The following EPHB1 variants were observed in gnomAD, a reference collection of about 807,000 sequenced individuals.
EPHB1 encodes the protein EPH receptor B1.
In EPHB1, 30 loss-of-function variants were observed where a neutral mutation model predicts 94.4. That is an observed-to-expected ratio of 0.32 (90% CI 0.24 to 0.43). The LOEUF is 0.43. Among genes scored for constraint, EPHB1 ranks in the 20% least tolerant of loss-of-function variants. The probability of loss-of-function intolerance (pLI) is 1.00; values close to 1 mark genes in which losing one functional copy is unlikely to be tolerated. For missense variants in EPHB1, 1,055 were observed against 1,308.3 expected (o/e 0.81, Z 2.99); for synonymous variants, 522 against 489.1 (o/e 1.07, Z -0.89).
At chr3:134,812,553 T>A (rs1297844904) in intron 1 of EPHB1, among the ~76,000 whole-genome samples, 1 of 152,248 alleles carries the variant, frequency 6.6e-6, no homozygotes, top group Non-Finnish European at 1.5e-5. Flanking sequence ...CTTTTATAAT[T>A]AAAGCTACTG....
intron 4 of EPHB1, among the ~76,000 whole-genome samples, chr3:135,125,233 C>A (rs1273011095): frequency 1.3e-5 from 2 of 151,572 alleles, no homozygotes; most frequent in Non-Finnish European, 2.9e-5. Flanking sequence ...CCTCAGTAAC[C>A]TCCCTCCCCT....
At chr3:135,226,641 C>T (rs1393132722) in intron 12 of EPHB1, among the ~76,000 whole-genome samples, 1 of 152,186 alleles carries the variant, frequency 6.6e-6, no homozygotes, top group Non-Finnish European at 1.5e-5. Context: ...TTTTGGCCTT[C>T]AAAACCTTCT....
At chr3:134,855,079 A>G (rs1394039737) in intron 1 of EPHB1, among the ~76,000 whole-genome samples, 3 of 152,188 alleles carry the variant, frequency 2.0e-5, no homozygotes, top group African/African-American at 7.2e-5. Flanking sequence ...ATTTGACCTT[A>G]TTATCCGTGG....
chr3:134,800,462 G>A (rs2035915035), intron 1 of EPHB1, among the ~76,000 whole-genome samples: 1 of 152,184 alleles, frequency 6.6e-6, no homozygotes, highest in South Asian at 2.1e-4. Context: ...ACCAGCTCAG[G>A]TAGTGTTTCC....
At chr3:134,964,854 T>G (rs1933668389) in intron 3 of EPHB1, among the ~76,000 whole-genome samples, 3 of 152,242 alleles carry the variant, frequency 2.0e-5, no homozygotes, top group Admixed American at 2.0e-4. Context: ...TGATAGAATT[T>G]TAATGAGTGA....
chr3:135,169,521 A>G (rs774640453), intron 9 of EPHB1, among the ~76,000 whole-genome samples: 5 of 152,080 alleles, frequency 3.3e-5, no homozygotes, highest in Non-Finnish European at 7.4e-5. Flanking sequence ...TTGTGCGTTT[A>G]CTCCTGTGAA....
chr3:135,079,650 C>G (rs982275343), intron 3 of EPHB1, among the ~76,000 whole-genome samples: 1 of 152,134 alleles, frequency 6.6e-6, no homozygotes, highest in Non-Finnish European at 1.5e-5. Context: ...CCTTCTCTTT[C>G]TCTTCAGCTT....
At chr3:135,049,990 G>C (rs758555121) in intron 3 of EPHB1, among the ~76,000 whole-genome samples, 5 of 152,192 alleles carry the variant, frequency 3.3e-5, no homozygotes, top group African/African-American at 4.8e-5. Flanking sequence ...CCCACCCTGG[G>C]CATGGTGCCT....
chr3:135,032,211 G>A (rs1296058927), intron 3 of EPHB1, among the ~76,000 whole-genome samples: 1 of 149,848 alleles, frequency 6.7e-6, no homozygotes, highest in African/African-American at 2.4e-5. Flanking sequence ...ACTTTTGTTA[G>A]TAAGATATGA....
In EPHB1 at chr3:135,259,557, T is replaced by TCC; in HGVS notation, c.*440_*441dup. 5.0e-6 allele frequency: 1 copy of TCC among 198,226 alleles called. No individual in the cohort carries two copies. The highest frequency in any genetic ancestry group is 7.9e-5 in the East Asian group (1 of 12,664). 12.3% of individuals were successfully genotyped at this position (198,226 alleles called of 1,614,324 possible). On this transcript the variant is annotated 3_prime_UTR_variant, in exon 16 of 16. Transcript: ENST00000398015. ...CTCCTTTCGTACTCCTCCCTGAGAG[T>TCC]CCCCTCCCTTCTCCCACACTCGTTT... is the stretch of plus-strand genomic sequence containing the variant.
At chr3:135,062,671 G>A (rs140195990) in intron 3 of EPHB1, among the ~76,000 whole-genome samples, 83 of 152,226 alleles carry the variant, frequency 5.5e-4, no homozygotes, top group Admixed American at 7.9e-4. Context: ...CTTTTGCTGT[G>A]CAAAGTTCTT....
At chr3:135,190,172 T>C (rs1942420234) in intron 10 of EPHB1, among the ~76,000 whole-genome samples, 1 of 152,220 alleles carries the variant, frequency 6.6e-6, no homozygotes, top group Admixed American at 6.5e-5. Flanking sequence ...CCTTATTATT[T>C]AAATGGCCAT....
intron 9 of EPHB1, among the ~76,000 whole-genome samples, chr3:135,177,767 G>T (rs773329926): frequency 6.6e-6 from 1 of 152,136 alleles, no homozygotes; most frequent in Non-Finnish European, 1.5e-5. Flanking sequence ...AGACAGGGTG[G>T]CCTGGAGATG....
chr3:135,254,575 T>C (rs1933282664), intron 15 of EPHB1, among the ~76,000 whole-genome samples: 1 of 152,104 alleles, frequency 6.6e-6, no homozygotes, highest in African/African-American at 2.4e-5. Context: ...CACTTGATCA[T>C]GGTGAATAAG....
intron 1 of EPHB1, among the ~76,000 whole-genome samples, chr3:134,811,256 T>TTTTGGTTTTG (rs1553853017): frequency 7.4e-6 from 1 of 134,866 alleles, no homozygotes; most frequent in Admixed American, 7.6e-5. Flanking sequence ...TTTTTTTTTT[T>TTTTGGTTTTG]TTTTTTTCTG....
chr3:135,123,167 G>C (rs1481673735), intron 4 of EPHB1, among the ~76,000 whole-genome samples: 1 of 152,188 alleles, frequency 6.6e-6, no homozygotes, highest in African/African-American at 2.4e-5. Flanking sequence ...CTGCACTCAA[G>C]TCTTGGTTCC....
intron 5 of EPHB1, among the ~76,000 whole-genome samples, chr3:135,153,453 A>G (rs1257378756): frequency 6.6e-6 from 1 of 152,208 alleles, no homozygotes. Flanking sequence ...TCAACTTTAC[A>G]GATTTTGGAA....
intron 10 of EPHB1, among the ~76,000 whole-genome samples, chr3:135,191,506 A>G (rs921516612): frequency 6.6e-6 from 1 of 152,246 alleles, no homozygotes; most frequent in African/African-American, 2.4e-5. Context: ...TTTTCTCAGC[A>G]GAAAGCCATG....
chr3:134,866,476 C>G (rs2037381405), intron 1 of EPHB1, among the ~76,000 whole-genome samples: 1 of 152,140 alleles, frequency 6.6e-6, no homozygotes, highest in African/African-American at 2.4e-5. Flanking sequence ...GCTGCCCCTT[C>G]CTGATGGTCA....
Sources: allele counts gnomAD v4.1 joint callset (sites outside exome capture counted in the v4.1 genomes callset), GRCh38; gene constraint gnomAD v4.1.1; transcripts MANE v1.5; gene names NCBI Gene and HGNC (gene_info 2026-07-23, HGNC 2026-07-21).